Variants in ZNF385D observed in about 807,000 individuals in gnomAD.
ZNF385D encodes the protein zinc finger protein 385D.
In ZNF385D, 15 loss-of-function variants were observed where a neutral mutation model predicts 35.8. The ratio of observed to expected loss-of-function variants is 0.42; its 90% CI spans 0.28 to 0.64. The LOEUF (loss-of-function observed/expected upper bound fraction) is 0.64, where lower values mean the gene tolerates loss of function less well. Among genes scored for constraint, ZNF385D ranks in the 30% least tolerant of loss-of-function variants. The pLI, the probability that ZNF385D is intolerant of heterozygous loss-of-function variation, is 0.23. For missense variants in ZNF385D, 474 were observed against 494.6 expected, an observed-to-expected ratio of 0.96 and a Z score of 0.39; for synonymous variants, 212 against 186.8, an observed-to-expected ratio of 1.13 and a Z score of -1.10.
Position 21,549,671 on chromosome 3 carries a change from C to A in ZNF385D, c.276+14903G>T, listed in dbSNP as rs536893915. ...AGGTTCTCAGATGTGTCTCTTCTTT[C>A]ACACAAGCCGAATGGCCCTGTCAAA... is the stretch of plus-strand genomic sequence containing the variant. On this transcript the variant is annotated intron_variant, in intron 3 of 7. Transcript: ENST00000281523. Among the ~76,000 whole-genome samples the A allele has an allele frequency of 1.2e-3, 176 of 152,298 alleles. 1 individual carries two copies. Among genetic ancestry groups the A allele is most frequent in the African/African-American group, 4.1e-3 (172 of 41,566 alleles).
chr3:22,264,501 C>T (rs995290390), intron 2 of ZNF385D, among the ~76,000 whole-genome samples: 1 of 151,980 alleles, frequency 6.6e-6, no homozygotes, highest in Non-Finnish European at 1.5e-5. Context: ...TACAGTGTGA[C>T]CAAAGATCCT....
In ZNF385D at chr3:21,738,099, C is replaced by T. The variant is rs369126608; in HGVS notation, c.22+12796G>A. 9.2e-5 allele frequency among the ~76,000 whole-genome samples: 14 copies of T among 152,342 alleles called. No individual in the cohort carries two copies. In the South Asian group the frequency reaches 2.9e-3, roughly 32 times the overall value. Reference sequence around the variant, plus strand: ...TTTCCCTGATCTCAGCCTCAGGCCCCACCTGCCAGGGGGCTGCTTGGCTTG... The same window carrying T: ...TTTCCCTGATCTCAGCCTCAGGCCCTACCTGCCAGGGGGCTGCTTGGCTTG... On this transcript the variant is annotated intron_variant, in intron 1 of 7. Transcript: ENST00000281523.
intron 3 of ZNF385D, among the ~76,000 whole-genome samples, chr3:22,086,713 G>A (rs1455797269): frequency 6.6e-6 from 1 of 152,136 alleles, no homozygotes; most frequent in Non-Finnish European, 1.5e-5. Context: ...ACTGGATTAA[G>A]AAAATATGGC....
At chr3:21,513,472 A>G (rs1455411846) in intron 3 of ZNF385D, among the ~76,000 whole-genome samples, 2 of 152,324 alleles carry the variant, frequency 1.3e-5, no homozygotes, top group Admixed American at 1.3e-4. Flanking sequence ...ACACCTTGAT[A>G]ATAATTATTT....
intron 3 of ZNF385D, among the ~76,000 whole-genome samples, chr3:21,881,082 T>C (rs1328145479): frequency 1.3e-5 from 2 of 151,882 alleles, no homozygotes; most frequent in Non-Finnish European, 2.9e-5. Flanking sequence ...AAATACAAGG[T>C]GAAGCTGCAA....
intron 2 of ZNF385D, among the ~76,000 whole-genome samples, chr3:22,346,316 A>G (rs192774680): frequency 2.0e-5 from 3 of 152,264 alleles, no homozygotes; most frequent in East Asian, 1.9e-4. Flanking sequence ...AAATAACGAC[A>G]TATCTGTTGG....
At chr3:21,555,411 C>G (rs1308808037) in intron 3 of ZNF385D, among the ~76,000 whole-genome samples, 1 of 152,034 alleles carries the variant, frequency 6.6e-6, no homozygotes, top group African/African-American at 2.4e-5. Context: ...TGTTCCCTTC[C>G]CTGTGTCCAT....
intron 3 of ZNF385D, among the ~76,000 whole-genome samples, chr3:21,530,804 G>C (rs1478528991): frequency 6.6e-6 from 1 of 152,144 alleles, no homozygotes; most frequent in Non-Finnish European, 1.5e-5. Flanking sequence ...CACCACCTCT[G>C]AGAGAAGCGC....
intron 3 of ZNF385D, among the ~76,000 whole-genome samples, chr3:22,097,895 G>A (rs1414258253): frequency 6.6e-6 from 1 of 151,976 alleles, no homozygotes; most frequent in Non-Finnish European, 1.5e-5. Context: ...AATACCCCTA[G>A]CCCATAAGAA....
chr3:22,314,863 C>T (rs1183589264), intron 2 of ZNF385D, among the ~76,000 whole-genome samples: 1 of 151,970 alleles, frequency 6.6e-6, no homozygotes, highest in Non-Finnish European at 1.5e-5. Context: ...GGGTCAGCCC[C>T]CCAAAAAACC....
chr3:22,216,425 C>T (rs2125271772), intron 2 of ZNF385D, among the ~76,000 whole-genome samples: 1 of 152,154 alleles, frequency 6.6e-6, no homozygotes, highest in African/African-American at 2.4e-5. Context: ...GTACAGGAAA[C>T]ATTCCATGAT....
chr3:21,545,246 G>C (rs564667778), intron 3 of ZNF385D, among the ~76,000 whole-genome samples: 1 of 152,212 alleles, frequency 6.6e-6, no homozygotes, highest in East Asian at 1.9e-4. Flanking sequence ...AACTTTAACA[G>C]GTGCTCTCAA....
intron 3 of ZNF385D, among the ~76,000 whole-genome samples, chr3:21,512,145 C>CAAAAAAAAAAAAAAAAAAAAAAA (rs35276805): frequency 1.1e-5 from 1 of 90,350 alleles, no homozygotes; most frequent in African/African-American, 4.5e-5. Flanking sequence ...GACTCCATCT[C>CAAAAAAAAAAAAAAAAAAAAAAA]AAAAAAAAAA....
At chr3:21,588,907 T>A (rs1349090940) in intron 2 of ZNF385D, among the ~76,000 whole-genome samples, 1 of 152,170 alleles carries the variant, frequency 6.6e-6, no homozygotes, top group Non-Finnish European at 1.5e-5. Context: ...TGTAATATGC[T>A]CATACATCCA....
rs544529211 is a variant in ZNF385D at position 22,150,379 on chromosome 3, G to A, written c.325+18438C>T. Among the ~76,000 whole-genome samples the A allele has an allele frequency of 9.2e-5, 14 of 152,072 alleles. No homozygotes were observed. In the South Asian group the frequency reaches 2.7e-3, roughly 29 times the overall value. On this transcript the variant is annotated intron_variant, in intron 3 of 5. Coordinates refer to the ZNF385D transcript ENST00000494108. ...TATAAACATTCTTCAGTGAGAAAGA[G>A]CTGTATTCATACTAGATTTTACCTA...
intron 3 of ZNF385D, among the ~76,000 whole-genome samples, chr3:22,119,113 T>C (rs898233341): frequency 1.3e-5 from 2 of 152,146 alleles, no homozygotes; most frequent in African/African-American, 2.4e-5. Flanking sequence ...AGCCCAGGGA[T>C]AGGACGTCCT....
chr3:21,924,702 G>C (rs1289058014), intron 3 of ZNF385D, among the ~76,000 whole-genome samples: 2 of 152,140 alleles, frequency 1.3e-5, no homozygotes, highest in Admixed American at 1.3e-4. Flanking sequence ...TACCTCCATA[G>C]TGTTAGTGGA....
chr3:22,337,880 T>C (rs1283867905), intron 2 of ZNF385D, among the ~76,000 whole-genome samples: 2 of 152,230 alleles, frequency 1.3e-5, no homozygotes, highest in Admixed American at 1.3e-4. Flanking sequence ...GACTGGAACG[T>C]GGTCTGCATG....
intron 4 of ZNF385D, among the ~76,000 whole-genome samples, chr3:21,505,434 C>T (rs1706702263): frequency 6.6e-6 from 1 of 152,088 alleles, no homozygotes; most frequent in South Asian, 2.1e-4. Context: ...CCATGCCTGA[C>T]AAAGTTTAAG....
Sources: allele counts gnomAD v4.1 joint callset (sites outside exome capture counted in the v4.1 genomes callset), GRCh38; gene constraint gnomAD v4.1.1; transcripts MANE v1.5; gene names NCBI Gene and HGNC (gene_info 2026-07-23, HGNC 2026-07-21).